Variants in PDLIM5 observed in about 807,000 individuals in gnomAD.
PDLIM5 encodes PDZ and LIM domain protein 5.
Under a neutral mutation model 64.2 loss-of-function variants are expected in PDLIM5, and 34 were observed. The observed-to-expected ratio is 0.53, with a 90% CI of 0.40 to 0.71. PDLIM5 has a LOEUF of 0.71. PDLIM5 is among the 30% of genes least tolerant of loss of function. The pLI is 0.00. For missense variants in PDLIM5, 683 were observed against 733.6 expected (o/e 0.93, Z 0.80); for synonymous variants, 253 against 269.1 (o/e 0.94, Z 0.59).
intron 7 of PDLIM5, among the ~76,000 whole-genome samples, chr4:94,595,168 C>A (rs1450961178): frequency 2.6e-5 from 4 of 152,172 alleles, no homozygotes; most frequent in Admixed American, 2.6e-4. Flanking sequence ...CCCCAATGAT[C>A]CAGGTACCTC....
intron 5 of PDLIM5, among the ~76,000 whole-genome samples, chr4:94,576,472 T>G (rs1410545203): frequency 5.3e-5 from 8 of 152,242 alleles, no homozygotes. Flanking sequence ...GGGGTTTTTT[T>G]TCTAGGAGGT....
chr4:94,580,424 A>G (rs909707614), intron 5 of PDLIM5, among the ~76,000 whole-genome samples: 7 of 152,082 alleles, frequency 4.6e-5, no homozygotes, highest in African/African-American at 7.2e-5. Context: ...TGTTTTTTAT[A>G]TATAGGAATA....
At chr4:94,643,147 T>TAAA (rs1741138532) in intron 9 of PDLIM5, among the ~76,000 whole-genome samples, 1 of 152,190 alleles carries the variant, frequency 6.6e-6, no homozygotes, top group Admixed American at 6.5e-5. Flanking sequence ...TATCTCTTTA[T>TAAA]AGAGCACATT....
intron 9 of PDLIM5, among the ~76,000 whole-genome samples, chr4:94,645,112 T>G (rs1741310067): frequency 1.3e-5 from 2 of 152,162 alleles, no homozygotes; most frequent in African/African-American, 4.8e-5. Context: ...ATTGTGTCAT[T>G]TTTATGCCTT....
intron 8 of PDLIM5, among the ~76,000 whole-genome samples, chr4:94,629,878 T>C (rs1578503456): frequency 6.6e-6 from 1 of 152,392 alleles, no homozygotes; most frequent in East Asian, 1.9e-4. Context: ...ATCCCAGATC[T>C]TGGCTTAACT....
At chr4:94,631,049 A>G (rs1320056429) in intron 8 of PDLIM5, among the ~76,000 whole-genome samples, 1 of 148,094 alleles carries the variant, frequency 6.8e-6, no homozygotes, top group African/African-American at 2.5e-5. Flanking sequence ...CTATAGGTGC[A>G]TGCCACCATG....
intron 3 of PDLIM5, among the ~76,000 whole-genome samples, chr4:94,532,268 C>G (rs1048044445): frequency 6.6e-6 from 1 of 152,148 alleles, no homozygotes; most frequent in Non-Finnish European, 1.5e-5. Flanking sequence ...TTTAGACCAT[C>G]ATTATGAGAC....
intron 8 of PDLIM5, among the ~76,000 whole-genome samples, chr4:94,629,138 C>G (rs1460708538): frequency 6.6e-6 from 1 of 152,014 alleles, no homozygotes; most frequent in Admixed American, 6.6e-5. Context: ...ATCATTAGGT[C>G]AGGAGATTGA....
At chr4:94,523,244 C>T (rs1165558037) in intron 2 of PDLIM5, among the ~76,000 whole-genome samples, 3 of 152,174 alleles carry the variant, frequency 2.0e-5, no homozygotes, top group African/African-American at 7.2e-5. Context: ...ATGAACTGGA[C>T]TCAACAGGAA....
intron 8 of PDLIM5, among the ~76,000 whole-genome samples, chr4:94,639,152 A>C (rs544732297): frequency 7.9e-5 from 12 of 152,290 alleles, no homozygotes; most frequent in Admixed American, 1.3e-4. Flanking sequence ...CGATGGTGAA[A>C]ACAGCCTGAG....
intron 8 of PDLIM5, among the ~76,000 whole-genome samples, chr4:94,620,801 T>C (rs1268164858): frequency 1.3e-5 from 2 of 152,108 alleles, no homozygotes; most frequent in Non-Finnish European, 2.9e-5. Flanking sequence ...CTCACGCCTA[T>C]AATCCCAGCA....
rs1578573209 is a variant in PDLIM5 at position 94,665,230 on chromosome 4, TC to T, written c.*1166del. 2 of 697,734 alleles carry T rather than the reference TC, an allele frequency of 2.9e-6. No individual in the cohort carries two copies. The highest frequency in any genetic ancestry group is 1.3e-4 in the East Asian group (1 of 7,518). 43.2% of individuals were successfully genotyped at this position (697,734 alleles called of 1,614,324 possible). A position where few individuals can be genotyped will look rare whatever the true frequency, so the allele number is the denominator to read the frequency against. ...CAGGTGTGGTGGCTCACGCCTGTGA[TC>T]CCAGCACTTTGGGAGGCCAAGACGG... is the stretch of plus-strand genomic sequence containing the variant. On this transcript the variant is annotated 3_prime_UTR_variant, in exon 13 of 13. Transcript: ENST00000317968.
intron 7 of PDLIM5, among the ~76,000 whole-genome samples, chr4:94,594,442 A>G (rs1406881016): frequency 1.3e-5 from 2 of 151,886 alleles, no homozygotes; most frequent in African/African-American, 4.8e-5. Context: ...ATGTTTAAAT[A>G]TAAGAATCTA....
At position 94,665,481 on chromosome 4, in the gene PDLIM5, TAAAAAAAAAAAAAA is replaced by T. The variant is rs10706955; in HGVS notation, c.*1426_*1439del. Reference sequence around the variant, plus strand: ...GGTGACAGAGCAAGACTCCGGCTCTTAAAAAAAAAAAAAAAAAAAAAAAAAGAGAGAGAGAGAAT... The same window carrying T: ...GGTGACAGAGCAAGACTCCGGCTCTTAAAAAAAAAAAGAGAGAGAGAGAAT... On this transcript the variant is annotated 3_prime_UTR_variant, in exon 13 of 13. Transcript: ENST00000317968. The T allele has an allele frequency of 0.017, 7,668 of 449,792 alleles. 622 individuals carry two copies. The African/African-American group carries it at 0.25, about 15-fold the overall frequency. 27.9% of individuals were successfully genotyped at this position (449,792 alleles called of 1,614,324 possible). A position where few individuals can be genotyped will look rare whatever the true frequency, so the allele number is the denominator to read the frequency against.
chr4:94,561,060 G>T (rs6830074), intron 3 of PDLIM5, among the ~76,000 whole-genome samples: 42,022 of 151,902 alleles, frequency 0.28, 8,208 homozygotes, highest in African/African-American at 0.56. Context: ...GTACCTATGA[G>T]TTGCTTGTCT....
intron 7 of PDLIM5, among the ~76,000 whole-genome samples, chr4:94,593,055 T>C (rs1736791182): frequency 6.6e-6 from 1 of 152,206 alleles, no homozygotes; most frequent in Admixed American, 6.5e-5. Context: ...CACTTGATTT[T>C]CTAATTTGTC....
chr4:94,536,971 G>A (rs1057226292), intron 3 of PDLIM5, among the ~76,000 whole-genome samples: 3 of 152,110 alleles, frequency 2.0e-5, no homozygotes, highest in African/African-American at 7.2e-5. Context: ...TTTGTTTAAT[G>A]TATTTTAAAG....
intron 2 of PDLIM5, among the ~76,000 whole-genome samples, chr4:94,465,822 C>T (rs1387838742): frequency 6.6e-6 from 1 of 152,130 alleles, no homozygotes; most frequent in Admixed American, 6.5e-5. Context: ...ACCAGCCAAA[C>T]TGAGTAGTAA....
chr4:94,496,682 G>C (rs1312610920), intron 2 of PDLIM5, among the ~76,000 whole-genome samples: 1 of 152,066 alleles, frequency 6.6e-6, no homozygotes, highest in African/African-American at 2.4e-5. Context: ...TAGAGACAGG[G>C]TTTTACCATG....
Sources: allele counts gnomAD v4.1 joint callset (sites outside exome capture counted in the v4.1 genomes callset), GRCh38; gene constraint gnomAD v4.1.1; transcripts MANE v1.5; gene names NCBI Gene and HGNC (gene_info 2026-07-23, HGNC 2026-07-21).